ELF2: variants seen among roughly 807,000 people sequenced by gnomAD.
The protein encoded by ELF2 is E74 like ETS transcription factor 2.
ELF2 carries 11 observed loss-of-function variants against 54.8 expected under a neutral mutation model. The ratio of observed to expected loss-of-function variants is 0.20; its 90% confidence interval spans 0.13 to 0.33. ELF2 has a LOEUF of 0.33. ELF2 is among the 10% of genes least tolerant of loss of function. The probability of loss-of-function intolerance (pLI) is 1.00; values close to 1 mark genes in which losing one functional copy is unlikely to be tolerated. For missense variants in ELF2, 513 were observed against 703.0 expected (o/e 0.73, Z 3.06); for synonymous variants, 203 against 245.1 (o/e 0.83, Z 1.61).
chr4:139,119,710 T>C (rs890626408), intron 4 of ELF2, among the ~76,000 whole-genome samples: 6 of 152,324 alleles, frequency 3.9e-5, no homozygotes, highest in Admixed American at 3.3e-4. Flanking sequence ...CCTTAAATTA[T>C]CCTAATTTTA....
chr4:139,128,814 A>C (rs1475175593), intron 3 of ELF2, among the ~76,000 whole-genome samples: 1 of 151,312 alleles, frequency 6.6e-6, no homozygotes, highest in Non-Finnish European at 1.5e-5. Context: ...GGGCCACCAT[A>C]CCCAGCCTCA....
chr4:139,169,977 G>A (rs1431015873), intron 1 of ELF2, among the ~76,000 whole-genome samples: 2 of 151,806 alleles, frequency 1.3e-5, no homozygotes, highest in Non-Finnish European at 2.9e-5. Flanking sequence ...CTTTCTTTCA[G>A]AGGGACTGTC....
chr4:139,061,619 A>C (rs535161494), intron 8 of ELF2, among the ~76,000 whole-genome samples: 1 of 152,310 alleles, frequency 6.6e-6, no homozygotes, highest in Non-Finnish European at 1.5e-5. Context: ...CATAATTTCT[A>C]TTAAGAAACA....
At chr4:139,132,810 C>T (rs1053765055) in intron 3 of ELF2, among the ~76,000 whole-genome samples, 9 of 144,670 alleles carry the variant, frequency 6.2e-5, no homozygotes, top group African/African-American at 2.3e-4. Context: ...TTTGCAAGTA[C>T]TCAATTTTCC....
intron 6 of ELF2, among the ~76,000 whole-genome samples, chr4:139,069,966 G>A (rs150237942): frequency 0.014 from 2,168 of 150,454 alleles, 50 homozygotes; most frequent in African/African-American, 0.049. Flanking sequence ...TCAGCCTCCC[G>A]AGTAGCTAGG....
chr4:139,176,348 G>A (rs1742915924), intron 1 of ELF2, among the ~76,000 whole-genome samples: 1 of 152,170 alleles, frequency 6.6e-6, no homozygotes, highest in Admixed American at 6.5e-5. Flanking sequence ...GGGAAGGAAA[G>A]GTAAGCGGCG....
intron 4 of ELF2, among the ~76,000 whole-genome samples, chr4:139,082,399 AAACTT>A (rs763362933): frequency 6.6e-6 from 1 of 152,206 alleles, no homozygotes; most frequent in African/African-American, 2.4e-5. Context: ...CTCTCTTACT[AAACTT>A]AAGTTCTTGT....
Position 139,162,947 on chromosome 4 carries a change from C to T in ELF2, c.-252+14020G>A, listed in dbSNP as rs147114021. On this transcript the variant is annotated intron_variant, in intron 1 of 9. Transcript: ENST00000686138. ...CTCTGTCTCTACAAAAAAAATTTTA[C>T]ACTAGCCAGGCATGGTAGCATGCTC... is the stretch of plus-strand genomic sequence containing the variant. Among the ~76,000 whole-genome samples, 42 of 152,034 alleles carry T rather than the reference C, an allele frequency of 2.8e-4. 1 individual carries two copies. The East Asian group carries it at 8.1e-3, about 29-fold the overall frequency.
chr4:139,145,327 G>T (rs981628208), intron 1 of ELF2, among the ~76,000 whole-genome samples: 5 of 152,186 alleles, frequency 3.3e-5, no homozygotes, highest in African/African-American at 1.2e-4. Flanking sequence ...GCTGGTGCTG[G>T]TACACATTGC....
At chr4:139,151,513 A>G (rs899527140) in intron 1 of ELF2, among the ~76,000 whole-genome samples, 8 of 152,196 alleles carry the variant, frequency 5.3e-5, no homozygotes, top group Non-Finnish European at 1.0e-4. Flanking sequence ...ATTAAGGCCC[A>G]CATGGGTAAA....
At chr4:139,122,653 C>T (rs1446152524) in intron 4 of ELF2, among the ~76,000 whole-genome samples, 3 of 151,932 alleles carry the variant, frequency 2.0e-5, no homozygotes, top group African/African-American at 7.2e-5. Flanking sequence ...AGACGCATGC[C>T]ACCACGCCCA....
intron 4 of ELF2, among the ~76,000 whole-genome samples, chr4:139,111,705 T>C (rs771783392): frequency 6.6e-6 from 1 of 152,088 alleles, no homozygotes; most frequent in African/African-American, 2.4e-5. Flanking sequence ...TAAGAGACAA[T>C]GATTCCTCCT....
rs1178091517 is a variant in ELF2, at chr4:139,083,201, G to A, written c.239-9634C>T. The stretch of plus-strand genomic sequence containing the variant: ...AGGTTTGGGGGGGGGTAGAGGGGAA[G>A]GGGGCAATTCCGTGCTGAGACTTCC... On this transcript the variant is annotated intron_variant, in intron 4 of 9. Transcript: ENST00000686138. Among the ~76,000 whole-genome samples the A allele has an allele frequency of 2.0e-5, 3 of 152,144 alleles. No individual in the cohort carries two copies. In the East Asian group the frequency reaches 5.8e-4, roughly 29 times the overall value.
chr4:139,128,935 T>C (rs1416849840), intron 3 of ELF2, among the ~76,000 whole-genome samples: 1 of 152,028 alleles, frequency 6.6e-6, no homozygotes, highest in Non-Finnish European at 1.5e-5. Flanking sequence ...TCCAACTTTC[T>C]CTACCACTCT....
At chr4:139,135,821 T>C (rs1472784076) in intron 3 of ELF2, among the ~76,000 whole-genome samples, 1 of 152,166 alleles carries the variant, frequency 6.6e-6, no homozygotes, top group Non-Finnish European at 1.5e-5. Context: ...CATAAATCAC[T>C]AGTCAATAAT....
intron 1 of ELF2, among the ~76,000 whole-genome samples, chr4:139,173,634 C>T (rs1427648835): frequency 9.9e-5 from 15 of 150,774 alleles, no homozygotes; most frequent in African/African-American, 3.4e-4. Flanking sequence ...GGCACGCGCC[C>T]GTAGTCCCAG....
chr4:139,091,648 T>TA (rs1434132319), intron 4 of ELF2, among the ~76,000 whole-genome samples: 2 of 152,078 alleles, frequency 1.3e-5, no homozygotes, highest in Non-Finnish European at 2.9e-5. Context: ...TGCACCCGGC[T>TA]ATTTTTTATT....
At position 139,153,154 on chromosome 4, in the gene ELF2, G is replaced by C. The variant is rs116755932; in HGVS notation, c.-251-13657C>G. On this transcript the variant is annotated intron_variant, in intron 1 of 9. Coordinates refer to ENST00000686138, the MANE Select transcript of ELF2 (RefSeq NM_001331036.3). ...AAGGATAATAAAATGAGAAGAAAAG[G>C]CCAGGCACAGTGGCTCACGCCTGTA... is the stretch of plus-strand genomic sequence containing the variant. Among the ~76,000 whole-genome samples the C allele has an allele frequency of 7.6e-3, 1,152 of 152,158 alleles. 16 individuals are homozygous for C. The highest frequency in any genetic ancestry group is 0.025 in the African/African-American group (1,035 of 41,510).
intron 1 of ELF2, among the ~76,000 whole-genome samples, chr4:139,164,132 GAGAA>G (rs748947132): frequency 1.2e-4 from 18 of 145,502 alleles, no homozygotes; most frequent in African/African-American, 3.0e-4. Flanking sequence ...GAGAGAGAAA[GAGAA>G]AGAAGAGAGA....
Sources: gnomAD v4.1 joint callset for allele counts (sites outside exome capture counted in the v4.1 genomes callset) on GRCh38, gnomAD v4.1.1 for gene constraint, MANE v1.5 for transcripts, NCBI Gene and HGNC (gene_info 2026-07-23, HGNC 2026-07-21) for gene names.